The following NLGN1 variants were observed in gnomAD, a reference collection of about 807,000 sequenced individuals.
The protein encoded by NLGN1 is neuroligin-1.
Under a neutral mutation model 65.5 loss-of-function variants are expected in NLGN1, and 12 were observed. That is an observed-to-expected ratio of 0.18 (90% CI 0.12 to 0.30). The LOEUF (loss-of-function observed/expected upper bound fraction) is 0.30, where lower values mean the gene tolerates loss of function less well. Ranked by LOEUF, NLGN1 falls within the 10% of genes least tolerant of loss-of-function variation. The probability of loss-of-function intolerance (pLI) is 1.00; values close to 1 mark genes in which losing one functional copy is unlikely to be tolerated. For missense variants in NLGN1, 750 were observed against 1,007.1 expected (o/e 0.74, Z 3.46); for synonymous variants, 350 against 359.5 (o/e 0.97, Z 0.30).
At chr3:174,086,234 CATATATATTTATGTATGTGCATACAT>C (rs1743243596) in intron 4 of NLGN1, among the ~76,000 whole-genome samples, 1 of 3,672 alleles carries the variant, frequency 2.7e-4, no homozygotes, top group African/African-American at 1.0e-3. Context: ...TGTATGTGCA[CATATATATTTATGTATGTGCATACAT>C]ATATATATTT....
chr3:173,691,196 AT>A (rs1369273236), intron 3 of NLGN1, among the ~76,000 whole-genome samples: 1 of 152,064 alleles, frequency 6.6e-6, no homozygotes, highest in African/African-American at 2.4e-5. Context: ...CTGTTTTCCC[AT>A]CTGGAAGATT....
rs148537769 is a variant in NLGN1 at position 173,401,075 on chromosome 3, C to A, written c.-390+2588C>A. Among the ~76,000 whole-genome samples, 602 of 152,240 alleles carry A rather than the reference C, an allele frequency of 4.0e-3. 5 individuals carry two copies. The highest frequency in any genetic ancestry group is 0.014 in the African/African-American group (579 of 41,548). On this transcript the variant is annotated intron_variant, in intron 1 of 6. Coordinates refer to ENST00000457714, the Ensembl canonical transcript of NLGN1. ...CCCAAAATGGGGGAGAAGAAGATAA[C>A]AGTATTCTACCTCAGGGTTTCTCAG...
intron 3 of NLGN1, among the ~76,000 whole-genome samples, chr3:173,726,473 A>G (rs953582447): frequency 2.6e-5 from 4 of 152,052 alleles, no homozygotes; most frequent in Admixed American, 1.3e-4. Context: ...AAAATATTTT[A>G]TGAAAAATCA....
At chr3:173,460,028 AAAC>A (rs1416272282) in intron 2 of NLGN1, among the ~76,000 whole-genome samples, 2 of 152,100 alleles carry the variant, frequency 1.3e-5, no homozygotes, top group Admixed American at 1.3e-4. Context: ...TAGATACAAT[AAAC>A]AATAATTTTA....
chr3:174,255,048 T>C (rs1365866597), intron 4 of NLGN1, among the ~76,000 whole-genome samples: 1 of 152,110 alleles, frequency 6.6e-6, no homozygotes, highest in Non-Finnish European at 1.5e-5. Context: ...TCCAACTCAG[T>C]GTTGGTACAC....
chr3:173,834,120 A>G (rs1723137487), intron 4 of NLGN1, among the ~76,000 whole-genome samples: 2 of 152,200 alleles, frequency 1.3e-5, no homozygotes, highest in South Asian at 2.1e-4. Context: ...AATGTCATTC[A>G]TTAATCCATC....
intron 3 of NLGN1, among the ~76,000 whole-genome samples, chr3:173,742,834 T>C (rs1774854960): frequency 6.6e-6 from 1 of 152,150 alleles, no homozygotes; most frequent in Admixed American, 6.5e-5. Flanking sequence ...TGTGTTTCCA[T>C]TGTTTATCCC....
At chr3:174,217,968 A>C (rs1000227514) in intron 4 of NLGN1, among the ~76,000 whole-genome samples, 1 of 152,096 alleles carries the variant, frequency 6.6e-6, no homozygotes, top group African/African-American at 2.4e-5. Flanking sequence ...AATGAACTTT[A>C]GAAGTAGAGT....
chr3:174,284,387 AT>A (rs1751888750), exon 7 of NLGN1: 1 of 151,450 alleles, frequency 6.6e-6, no homozygotes, highest in Admixed American at 6.6e-5. Context: ...TTTAGCAAAT[AT>A]GTTTAAAATG....
rs142750129 is a variant in NLGN1 at position 173,546,639 on chromosome 3, A to G, written c.-320-57640A>G. Among the ~76,000 whole-genome samples, 421 of 152,292 alleles carry G rather than the reference A, an allele frequency of 2.8e-3. 1 individual carries two copies. The highest frequency in any genetic ancestry group is 9.2e-3 in the African/African-American group (383 of 41,572). ...CAGGCTATAGTTCTAATATTCCGCT[A>G]TATTTCCTCTGTCTGTTATGTATAG... On this transcript the variant is annotated intron_variant, in intron 2 of 6. Transcript: ENST00000457714.
intron 4 of NLGN1, among the ~76,000 whole-genome samples, chr3:174,234,715 G>A (rs1741344268): frequency 6.6e-6 from 1 of 152,074 alleles, no homozygotes; most frequent in Non-Finnish European, 1.5e-5. Flanking sequence ...GTGGGAGTTG[G>A]GGGAGCCCTC....
intron 4 of NLGN1, among the ~76,000 whole-genome samples, chr3:174,189,885 A>G (rs907859772): frequency 2.0e-5 from 3 of 152,028 alleles, no homozygotes; most frequent in African/African-American, 7.2e-5. Context: ...GAATAAGGAA[A>G]TTGCAGGCCT....
chr3:173,574,155 G>A (rs1745139923), intron 2 of NLGN1, among the ~76,000 whole-genome samples: 1 of 150,798 alleles, frequency 6.6e-6, no homozygotes, highest in Non-Finnish European at 1.5e-5. Flanking sequence ...GTCATAATTA[G>A]TTTTGATGCT....
At chr3:173,499,531 A>G (rs1276349563) in intron 2 of NLGN1, among the ~76,000 whole-genome samples, 13 of 151,800 alleles carry the variant, frequency 8.6e-5, no homozygotes, top group Non-Finnish European at 4.4e-5. Context: ...TTGACTTGGC[A>G]ATGCAGGCTC....
chr3:173,763,486 A>C (rs1167452535), intron 3 of NLGN1, among the ~76,000 whole-genome samples: 1 of 152,154 alleles, frequency 6.6e-6, no homozygotes, highest in Non-Finnish European at 1.5e-5. Flanking sequence ...TTTGTATTAC[A>C]AATATAATTT....
chr3:173,589,457 G>A (rs1748067333), intron 2 of NLGN1, among the ~76,000 whole-genome samples: 1 of 152,076 alleles, frequency 6.6e-6, no homozygotes, highest in Non-Finnish European at 1.5e-5. Context: ...TTTATGTTTT[G>A]CATAATTTAG....
At position 174,168,341 on chromosome 3, in the gene NLGN1, C is replaced by A. The variant is rs1416726804; in HGVS notation, c.647-106974C>A. Among the ~76,000 whole-genome samples the A allele has an allele frequency of 3.3e-5, 5 of 152,152 alleles. No homozygotes were observed. In the East Asian group the frequency reaches 9.6e-4, roughly 29 times the overall value. ...GTCCCTTCTCATCCAGAGATGCTGG[C>A]ACTTCTAATTTTTGTAATTATTTCT... On this transcript the variant is annotated intron_variant, in intron 4 of 6. Transcript: ENST00000457714.
intron 4 of NLGN1, among the ~76,000 whole-genome samples, chr3:174,110,696 T>C (rs570706818): frequency 5.7e-4 from 87 of 152,146 alleles, no homozygotes; most frequent in African/African-American, 1.9e-3. Context: ...TTAAAATACA[T>C]AATTCTGACC....
intron 4 of NLGN1, among the ~76,000 whole-genome samples, chr3:173,853,845 A>C (rs1419337735): frequency 6.6e-6 from 1 of 152,014 alleles, no homozygotes; most frequent in African/African-American, 2.4e-5. Context: ...GCAGTAATAA[A>C]AACAGTATCT....
Sources: gnomAD v4.1 joint callset for allele counts (sites outside exome capture counted in the v4.1 genomes callset) on GRCh38, gnomAD v4.1.1 for gene constraint, MANE v1.5 for transcripts, NCBI Gene and HGNC (gene_info 2026-07-23, HGNC 2026-07-21) for gene names.